Variants in SHISA9 observed in about 807,000 individuals in gnomAD.
SHISA9 encodes the protein shisa family member 9, also known as protein shisa-9.
A neutral mutation model predicts 38.0 loss-of-function variants in SHISA9; 13 were observed. The ratio of observed to expected loss-of-function variants is 0.34; its 90% CI spans 0.22 to 0.54. The LOEUF is 0.54. Among genes scored for constraint, SHISA9 ranks in the 20% least tolerant of loss-of-function variants. The pLI is 0.91. For synonymous variants in SHISA9, 275 were observed against 242.0 expected, an observed-to-expected ratio of 1.14 and a Z score of -1.27; for missense variants, 538 against 575.8, an observed-to-expected ratio of 0.93 and a Z score of 0.67.
chr16:13,303,211 T>C, the SHISA9 span, among the ~76,000 whole-genome samples: 1 of 152,162 alleles, frequency 6.6e-6, no homozygotes, highest in African/African-American at 2.4e-5. Context: ...CTAGGAACAA[T>C]TCTACTTCTA....
the SHISA9 span, among the ~76,000 whole-genome samples, chr16:13,418,805 T>C: frequency 2.0e-5 from 3 of 152,370 alleles, no homozygotes; most frequent in South Asian, 4.1e-4. Flanking sequence ...GAAGATAGCA[T>C]GCTGGTGTGA....
At chr16:13,345,146 G>C in the SHISA9 span, among the ~76,000 whole-genome samples, 953 of 152,168 alleles carry the variant, frequency 6.3e-3, 7 homozygotes, top group African/African-American at 0.019. Flanking sequence ...ACAAGTGCAG[G>C]TTTGTTATAT....
chr16:13,255,525 A>G, the SHISA9 span, among the ~76,000 whole-genome samples: 1 of 152,338 alleles, frequency 6.6e-6, no homozygotes, highest in South Asian at 2.1e-4. Flanking sequence ...TTGTCTAAAA[A>G]AAGTACCATT....
downstream of SHISA9, among the ~76,000 whole-genome samples, chr16:13,241,367 G>T (rs1292634768): frequency 6.6e-6 from 1 of 152,182 alleles, no homozygotes; most frequent in African/African-American, 2.4e-5. Context: ...TTAGCTGGGT[G>T]TGGTGGCGCA....
the SHISA9 span, among the ~76,000 whole-genome samples, chr16:13,290,622 G>A: frequency 1.3e-5 from 2 of 152,260 alleles, no homozygotes; most frequent in South Asian, 4.1e-4. Flanking sequence ...GAGTGACAAT[G>A]TTACCCTTTA....
chr16:13,120,772 G>A (rs867320198), intron 2 of SHISA9, among the ~76,000 whole-genome samples: 8 of 152,306 alleles, frequency 5.3e-5, no homozygotes, highest in East Asian at 1.9e-4. Context: ...TACTGTTAGC[G>A]AGGGAAGAGG....
intron 2 of SHISA9, among the ~76,000 whole-genome samples, chr16:13,098,284 G>T (rs2073846539): frequency 6.6e-6 from 1 of 152,170 alleles, no homozygotes; most frequent in African/African-American, 2.4e-5. Flanking sequence ...TACACTCCCT[G>T]CTGGATTGCC....
intron 2 of SHISA9, among the ~76,000 whole-genome samples, chr16:13,045,404 G>A (rs775316061): frequency 3.3e-5 from 5 of 152,076 alleles, no homozygotes; most frequent in Admixed American, 1.3e-4. Context: ...ACACCCCTCT[G>A]ATAAATCTTC....
At chr16:13,019,835 TTTCC>T (rs1555455179) in intron 2 of SHISA9, among the ~76,000 whole-genome samples, 2 of 67,916 alleles carry the variant, frequency 2.9e-5, no homozygotes, top group Admixed American at 1.4e-4. Flanking sequence ...TTTCTTTCTT[TTTCC>T]TTCCTTCCCT....
the SHISA9 span, among the ~76,000 whole-genome samples, chr16:13,456,395 C>T: frequency 6.6e-6 from 1 of 152,154 alleles, no homozygotes; most frequent in African/African-American, 2.4e-5. Flanking sequence ...TTTTTTCCTC[C>T]ACCATTTATT....
At chr16:13,474,940 C>T in the SHISA9 span, among the ~76,000 whole-genome samples, 1 of 152,106 alleles carries the variant, frequency 6.6e-6, no homozygotes, top group African/African-American at 2.4e-5. Context: ...GGTAGGGGGA[C>T]AGTCATAAAC....
the SHISA9 span, among the ~76,000 whole-genome samples, chr16:13,513,039 C>G: frequency 2.0e-5 from 3 of 152,152 alleles, no homozygotes; most frequent in Non-Finnish European, 2.9e-5. Context: ...AGCTGCTGCA[C>G]AGCAAAAGAA....
At chr16:12,964,891 C>T (rs2071957590) in intron 2 of SHISA9, among the ~76,000 whole-genome samples, 1 of 152,102 alleles carries the variant, frequency 6.6e-6, no homozygotes, top group African/African-American at 2.4e-5. Flanking sequence ...TATTATAATT[C>T]TGCATAAAAG....
At chr16:13,027,081 A>C (rs1307841653) in intron 2 of SHISA9, among the ~76,000 whole-genome samples, 5 of 152,150 alleles carry the variant, frequency 3.3e-5, no homozygotes, top group Non-Finnish European at 5.9e-5. Flanking sequence ...GGTATAGCCC[A>C]TTTACTGAAC....
chr16:13,061,762 A>C (rs1425654924), intron 2 of SHISA9, among the ~76,000 whole-genome samples: 1 of 152,236 alleles, frequency 6.6e-6, no homozygotes, highest in Non-Finnish European at 1.5e-5. Flanking sequence ...GCTGTAGAAG[A>C]AACAAACAAA....
intron 2 of SHISA9, among the ~76,000 whole-genome samples, chr16:12,967,780 C>T (rs570286781): frequency 3.1e-4 from 47 of 152,176 alleles, no homozygotes; most frequent in African/African-American, 1.1e-3. Context: ...CACAGAGAGA[C>T]ATGCAAATAA....
intron 2 of SHISA9, among the ~76,000 whole-genome samples, chr16:13,043,232 G>A (rs1501313): frequency 0.6 from 90,235 of 151,574 alleles, 27,853 homozygotes; most frequent in Middle Eastern, 0.74. Flanking sequence ...GGCATATCCC[G>A]TGGGAGGTCT....
At chr16:12,916,306 A>G (rs776785643) in intron 1 of SHISA9, among the ~76,000 whole-genome samples, 2 of 152,150 alleles carry the variant, frequency 1.3e-5, no homozygotes, top group Non-Finnish European at 2.9e-5. Flanking sequence ...AATGTTATCT[A>G]CTGTTACTAA....
chr16:13,077,510 T>A (rs369920584), intron 2 of SHISA9, among the ~76,000 whole-genome samples: 12 of 152,168 alleles, frequency 7.9e-5, no homozygotes, highest in East Asian at 7.7e-4. Flanking sequence ...GGCTTTTTAG[T>A]ATAAAAATGA....
Sources: allele counts gnomAD v4.1 joint callset (sites outside exome capture counted in the v4.1 genomes callset), GRCh38; gene constraint gnomAD v4.1.1; transcripts MANE v1.5; gene names NCBI Gene and HGNC (gene_info 2026-07-23, HGNC 2026-07-21).